Variants in SYMPK observed in about 807,000 individuals in gnomAD.
SYMPK encodes symplekin.
In SYMPK, 49 loss-of-function variants were observed where a neutral mutation model predicts 136.4. The observed-to-expected ratio is 0.36, with a 90% CI of 0.29 to 0.46. The LOEUF is 0.46. Ranked by LOEUF, SYMPK falls within the 20% of genes least tolerant of loss-of-function variation. The pLI is 1.00. For missense variants in SYMPK, 1,365 were observed against 1,690.0 expected, an observed-to-expected ratio of 0.81 and a Z score of 3.37; for synonymous variants, 766 against 713.0, an observed-to-expected ratio of 1.07 and a Z score of -1.19.
chr19:45,819,682 G>C (rs1970844744), intron 22 of SYMPK: 1 of 152,330 alleles, frequency 6.6e-6, no homozygotes. Context: ...TCTTTCCTGT[G>C]TCCCCAGCAC....
rs1384842679 is a variant in SYMPK at position 45,823,384 on chromosome 19, A to G, written c.2688T>C (p.Asn896=). 1.2e-6 allele frequency: 2 copies of G among 1,613,940 alleles called. No homozygotes were observed. Among genetic ancestry groups the G allele is most frequent in the Non-Finnish European group, 1.7e-6 (2 of 1,179,994 alleles). ...TCCAGCTCCATACCTTCTCCAGCCC[A>G]TTGAGCACCGGGATGAGGAAGCGGA... ...PDVRFLIPVL[N]GLEKKEVIQA... is the part of the protein sequence containing the mutation. Residue 896 remains asparagine (N), a synonymous_variant, in exon 20 of 27, where the codon AAT becomes AAC. Coordinates refer to ENST00000245934, the MANE Select transcript of SYMPK (RefSeq NM_004819.3).
At chr19:45,825,609 T>C (rs1483155098) in intron 17 of SYMPK, among the ~76,000 whole-genome samples, 1 of 152,184 alleles carries the variant, frequency 6.6e-6, no homozygotes, top group South Asian at 2.1e-4. Context: ...ATGCCTGCCC[T>C]GTGGCCTCAG....
chr19:45,852,953 G>A (rs991458087), intron 3 of SYMPK, among the ~76,000 whole-genome samples: 5 of 152,162 alleles, frequency 3.3e-5, no homozygotes, highest in Non-Finnish European at 7.3e-5. Flanking sequence ...ACTTCACATT[G>A]CCATGATTCA....
intron 7 of SYMPK, among the ~76,000 whole-genome samples, chr19:45,847,193 C>T (rs1362718250): frequency 4.6e-5 from 7 of 151,928 alleles, no homozygotes; most frequent in East Asian, 1.9e-4. Flanking sequence ...CCAAGGCGGG[C>T]GGATCACAAG....
At chr19:45,851,233 G>T (rs1251428708) in intron 5 of SYMPK, among the ~76,000 whole-genome samples, 1 of 152,138 alleles carries the variant, frequency 6.6e-6, no homozygotes, top group East Asian at 1.9e-4. Context: ...GAAATGCCCT[G>T]GAACGAGATT....
chr19:45,832,388 C>T (rs1971203470), intron 11 of SYMPK, among the ~76,000 whole-genome samples: 1 of 152,020 alleles, frequency 6.6e-6, no homozygotes, highest in African/African-American at 2.4e-5. Context: ...GTGATCCACC[C>T]GCCTCAGCCT....
chr19:45,843,750 T>C (rs1271334333), intron 8 of SYMPK, among the ~76,000 whole-genome samples: 1 of 151,736 alleles, frequency 6.6e-6, no homozygotes, highest in African/African-American at 2.4e-5. Context: ...ATAGAGATCA[T>C]CCTGGCCAAC....
At chr19:45,828,942 C>A in intron 14 of SYMPK, 28 bp downstream of exon 14, 1 of 1,603,460 alleles carries the variant, frequency 6.2e-7, no homozygotes, top group Non-Finnish European at 8.5e-7. Context: ...CTCTCGGGGA[C>A]AGGAGGGTGC....
At chr19:45,859,952 CTAA>C (rs1971922008) in intron 1 of SYMPK, among the ~76,000 whole-genome samples, 1 of 43,340 alleles carries the variant, frequency 2.3e-5, no homozygotes. Context: ...AAGACTCCAT[CTAA>C]AAAAAAAAAA....
intron 10 of SYMPK, among the ~76,000 whole-genome samples, chr19:45,836,105 G>A (rs1011320369): frequency 2.0e-5 from 3 of 151,328 alleles, no homozygotes; most frequent in African/African-American, 7.3e-5. Context: ...TTTTTGGGAC[G>A]GAATCTCACT....
Position 45,821,562 on chromosome 19 carries a change from T to A in SYMPK, c.2792-77A>T. Reference sequence around the variant, plus strand: ...AAGAGATGGGTCTGAGTTCCCCAGATCGGGGGAGCTGCGAGCAAAGATGAG... The same window carrying A: ...AAGAGATGGGTCTGAGTTCCCCAGAACGGGGGAGCTGCGAGCAAAGATGAG... On this transcript the variant is annotated intron_variant, in intron 21 of 26. Transcript: ENST00000245934. This position sits in a 1 kb window ranked among gnomAD's most constrained non-coding sequence, Gnocchi z 4.4. 1.0e-6 allele frequency: 1 copy of A among 962,880 alleles called. No homozygotes were observed. Among genetic ancestry groups the A allele is most frequent in the Non-Finnish European group, 1.6e-6 (1 of 620,314 alleles). 59.6% of individuals were successfully genotyped at this position (962,880 alleles called of 1,614,324 possible).
chr19:45,835,402 G>C (rs1971279096), intron 10 of SYMPK, among the ~76,000 whole-genome samples, 174 bp from the exon 11 acceptor site: 2 of 152,212 alleles, frequency 1.3e-5, no homozygotes, highest in South Asian at 4.1e-4. Flanking sequence ...ATATAGTGTA[G>C]TGCTTGAGAG....
chr19:45,826,820 G>A (rs748814806), intron 16 of SYMPK, among the ~76,000 whole-genome samples: 1 of 152,254 alleles, frequency 6.6e-6, no homozygotes, highest in African/African-American at 2.4e-5. Flanking sequence ...AGGGCCAGGG[G>A]TGTGAGATGA....
At chr19:45,857,685 G>A (rs1239880507) in intron 1 of SYMPK, among the ~76,000 whole-genome samples, 2 of 151,552 alleles carry the variant, frequency 1.3e-5, no homozygotes, top group East Asian at 4.0e-4. Flanking sequence ...TAGAGACGGG[G>A]TTTCACCATG....
chr19:45,819,227 A>G (rs1970829843), intron 22 of SYMPK: 1 of 151,432 alleles, frequency 6.6e-6, no homozygotes, highest in Non-Finnish European at 1.5e-5. Flanking sequence ...CCTCCGATCC[A>G]TTCTCCATAT....
intron 22 of SYMPK, chr19:45,820,828 G>A: frequency 2.4e-6 from 1 of 413,714 alleles, no homozygotes; most frequent in Non-Finnish European, 4.3e-6. Flanking sequence ...CAATGGAAGT[G>A]AACATACCCA....
chr19:45,845,218 TC>T (rs948344150), intron 7 of SYMPK, among the ~76,000 whole-genome samples: 2 of 151,948 alleles, frequency 1.3e-5, no homozygotes, highest in African/African-American at 4.8e-5. Flanking sequence ...ACTCAGGTGA[TC>T]CTCTCAACTC....
At position 45,815,493 on chromosome 19, in the gene SYMPK, A is replaced by T; in HGVS notation, c.*67T>A. The T allele has an allele frequency of 8.1e-7, 1 of 1,228,510 alleles. No individual in the cohort carries two copies. Among genetic ancestry groups the T allele is most frequent in the Non-Finnish European group, 1.1e-6 (1 of 905,932 alleles). The allele number at this position is 1,228,510 out of a possible 1,614,324, so 76.1% of individuals were successfully genotyped here. On this transcript the variant is annotated 3_prime_UTR_variant, in exon 27 of 27. Transcript: ENST00000245934. Reference sequence around the variant, plus strand: ...TTTCTTTTTAAGGCAAAGCACCCGCAGGTCAAGCCCCGCCCCGTCCCCCAG... The same window carrying T: ...TTTCTTTTTAAGGCAAAGCACCCGCTGGTCAAGCCCCGCCCCGTCCCCCAG...
At chr19:45,840,241 G>C (rs1176594263) in intron 9 of SYMPK, among the ~76,000 whole-genome samples, 2 of 150,520 alleles carry the variant, frequency 1.3e-5, no homozygotes, top group Non-Finnish European at 3.0e-5. Context: ...CTTAAACCTG[G>C]GAGGCGGAGG....
Sources: allele counts gnomAD v4.1 joint callset (sites outside exome capture counted in the v4.1 genomes callset), GRCh38; gene constraint gnomAD v4.1.1; non-coding constraint Gnocchi (gnomAD v3.1); transcripts MANE v1.5; gene names NCBI Gene and HGNC (gene_info 2026-07-23, HGNC 2026-07-21).